Variants in SMYD2 observed in about 807,000 individuals in gnomAD.
SMYD2 encodes SET and MYND domain containing 2.
SMYD2 carries 53 observed loss-of-function variants against 59.1 expected under a neutral mutation model. That is an observed-to-expected ratio of 0.90 (90% CI 0.72 to 1.13). The LOEUF is 1.13. Among genes scored for constraint, SMYD2 ranks in the 50% most tolerant of loss-of-function variants. The pLI is 0.00. For missense variants in SMYD2, 494 were observed against 544.7 expected, an observed-to-expected ratio of 0.91 and a Z score of 0.93; for synonymous variants, 208 against 198.8, an observed-to-expected ratio of 1.05 and a Z score of -0.39.
chr1:214,302,494 GTC>G lies in SMYD2; in HGVS notation c.174-2688_174-2687del, dbSNP rs374684799. On this transcript the variant is annotated intron_variant, in intron 1 of 11. Transcript: ENST00000366957. ...AAAAAAAGCAAATAATCTGAATTCTGTCTCTCACCAACTCCCTGAAAGGGTCT... is the reference window on the plus strand; with the variant it reads ...AAAAAAAGCAAATAATCTGAATTCTGTCTCACCAACTCCCTGAAAGGGTCT... 2.9e-3 allele frequency among the ~76,000 whole-genome samples: 448 copies of G among 152,268 alleles called. 3 individuals are homozygous for G. In the Middle Eastern group the frequency reaches 0.044, roughly 15 times the overall value.
At chr1:214,319,035 G>GC (rs1657130072) in intron 5 of SMYD2, 52 bp downstream of exon 5, 2 of 1,596,022 alleles carry the variant, frequency 1.3e-6, no homozygotes, top group Admixed American at 3.4e-5. Flanking sequence ...CCTCTCCAAG[G>GC]CCCTCTCCCT....
intron 1 of SMYD2, among the ~76,000 whole-genome samples, chr1:214,293,758 C>A (rs1038549499): frequency 2.0e-5 from 3 of 152,126 alleles, no homozygotes; most frequent in Non-Finnish European, 1.5e-5. Flanking sequence ...CTCACTGCAA[C>A]CTCCGCCTCC....
At chr1:214,296,756 T>C (rs888178360) in intron 1 of SMYD2, among the ~76,000 whole-genome samples, 20 of 151,038 alleles carry the variant, frequency 1.3e-4, no homozygotes, top group African/African-American at 4.6e-4. Flanking sequence ...ACATAGTACA[T>C]CAAGTACCAG....
At chr1:214,292,580 T>C (rs545254059) in intron 1 of SMYD2, among the ~76,000 whole-genome samples, 2 of 152,322 alleles carry the variant, frequency 1.3e-5, no homozygotes, top group Admixed American at 1.3e-4. Context: ...ATTTGCGAAA[T>C]ATATTAGTCT....
intron 1 of SMYD2, among the ~76,000 whole-genome samples, chr1:214,281,881 A>G (rs1656455864): frequency 6.6e-6 from 1 of 152,194 alleles, no homozygotes; most frequent in Non-Finnish European, 1.5e-5. Flanking sequence ...CCTGCCTCAG[A>G]TTGGCCGTTT....
intron 7 of SMYD2, among the ~76,000 whole-genome samples, chr1:214,329,355 C>T (rs527634129): frequency 2.0e-5 from 3 of 152,162 alleles, no homozygotes; most frequent in East Asian, 1.9e-4. Flanking sequence ...GGCACGCTAG[C>T]GGCTTCATGA....
At chr1:214,334,761 C>T (rs1374425443) in intron 11 of SMYD2, among the ~76,000 whole-genome samples, 5 of 152,216 alleles carry the variant, frequency 3.3e-5, no homozygotes, top group African/African-American at 4.8e-5. Context: ...CCAAGACCCT[C>T]GTGTGCTTTT....
At chr1:214,333,080 C>G (rs1049404021) in intron 10 of SMYD2, 1 of 152,278 alleles carries the variant, frequency 6.6e-6, no homozygotes, top group Admixed American at 6.5e-5. Flanking sequence ...CCACTCCACC[C>G]TCTACTTACC....
rs543305843 is a variant in SMYD2 at position 214,327,426 on chromosome 1, G to A, written c.603-196G>A. 2.2e-5 allele frequency: 11 copies of A among 510,512 alleles called. No homozygotes were observed. The East Asian group carries it at 3.3e-4, about 15-fold the overall frequency. The allele number at this position is 510,512 out of a possible 1,614,324, so 31.6% of individuals were successfully genotyped here. A position where few individuals can be genotyped will look rare whatever the true frequency, so the allele number is the denominator to read the frequency against. ...AATTGTGGATTTCAGTTTTTAATAT[G>A]GTGAAAGTGTGAGATGGTAGATAGG... On this transcript the variant is annotated intron_variant, in intron 6 of 11. Transcript: ENST00000366957.
intron 1 of SMYD2, among the ~76,000 whole-genome samples, chr1:214,291,951 G>T (rs1656642316): frequency 6.6e-6 from 1 of 152,060 alleles, no homozygotes; most frequent in South Asian, 2.1e-4. Flanking sequence ...TTGTTTGTTT[G>T]TTTTTTAACT....
At chr1:214,284,188 A>G (rs185184089) in intron 1 of SMYD2, among the ~76,000 whole-genome samples, 4 of 151,334 alleles carry the variant, frequency 2.6e-5, no homozygotes, top group Admixed American at 2.0e-4. Context: ...GATACACTTT[A>G]TACACACATA....
Position 214,334,283 on chromosome 1 carries a change from C to A in SMYD2, c.1196C>A (p.Ala399Asp), listed in dbSNP as rs1334133050. 1 of 1,613,752 alleles carries A rather than the reference C, an allele frequency of 6.2e-7. No homozygotes were observed. Among genetic ancestry groups the A allele is most frequent in the Non-Finnish European group, 8.5e-7 (1 of 1,180,012 alleles). Residue 399 changes from alanine (A) to aspartate (D), a missense_variant, in exon 11 of 12, where the codon GCC becomes GAC. Coordinates refer to ENST00000366957, the MANE Select transcript of SMYD2 (RefSeq NM_020197.3). ...GRLYMGLEHK[A>D]AGEKALKKAI... The stretch of plus-strand genomic sequence containing the variant: ...CTCTACATGGGCCTGGAACACAAAG[C>A]CGCAGGGGAGAAAGCCCTGAAGAAG...
intron 7 of SMYD2, among the ~76,000 whole-genome samples, chr1:214,329,242 G>A (rs770419356): frequency 1.3e-5 from 2 of 152,174 alleles, no homozygotes; most frequent in Non-Finnish European, 1.5e-5. Context: ...GAGCTGCAAC[G>A]TGTCCAGTAC....
intron 2 of SMYD2, among the ~76,000 whole-genome samples, chr1:214,310,503 ATTTT>A (rs10699247): frequency 7.3e-6 from 1 of 136,422 alleles, no homozygotes; most frequent in Non-Finnish European, 1.6e-5. Context: ...TATTTTATTA[ATTTT>A]TTTTTTTTTT....
At chr1:214,316,689 T>C (rs1293924237) in intron 3 of SMYD2, among the ~76,000 whole-genome samples, 1 of 152,196 alleles carries the variant, frequency 6.6e-6, no homozygotes, top group Admixed American at 6.5e-5. Context: ...TCTGAGGTCA[T>C]CCTTCAGCTA....
At chr1:214,283,099 G>A (rs1656475110) in intron 1 of SMYD2, among the ~76,000 whole-genome samples, 1 of 152,188 alleles carries the variant, frequency 6.6e-6, no homozygotes, top group Non-Finnish European at 1.5e-5. Context: ...GTGAATGAAA[G>A]ATCAAATCCC....
intron 2 of SMYD2, among the ~76,000 whole-genome samples, chr1:214,306,940 GCAGA>G (rs996729490): frequency 3.9e-4 from 60 of 152,336 alleles, no homozygotes; most frequent in African/African-American, 1.4e-3. Context: ...GGGGGCCAAG[GCAGA>G]CAGATCACCT....
chr1:214,298,736 T>C (rs1235297670), intron 1 of SMYD2, among the ~76,000 whole-genome samples: 3 of 152,100 alleles, frequency 2.0e-5, no homozygotes, highest in Admixed American at 2.0e-4. Flanking sequence ...AAAGAAGACA[T>C]ACAAGTGGCC....
Position 214,327,835 on chromosome 1 carries a change from CCAG to C in SMYD2, c.705+115_705+117del. The C allele has an allele frequency of 2.2e-6, 2 of 897,694 alleles. 1 individual carries two copies. The allele number at this position is 897,694 out of a possible 1,614,324, so 55.6% of individuals were successfully genotyped here. On this transcript the variant is annotated intron_variant, in intron 7 of 11. Transcript: ENST00000366957. ...TTGACAGTATGAGTTGTGAATGCCT[CCAG>C]CAGTTTAGCTGAGTCTGCCCTCAGG...
Sources: allele counts gnomAD v4.1 joint callset (sites outside exome capture counted in the v4.1 genomes callset), GRCh38; gene constraint gnomAD v4.1.1; transcripts MANE v1.5; gene names NCBI Gene and HGNC (gene_info 2026-07-23, HGNC 2026-07-21).